Variants in PDGFD observed in about 807,000 individuals in gnomAD.
The protein encoded by PDGFD is platelet derived growth factor D.
A neutral mutation model predicts 44.7 loss-of-function variants in PDGFD; 30 were observed. The observed-to-expected ratio is 0.67, with a 90% confidence interval of 0.50 to 0.91. The LOEUF (loss-of-function observed/expected upper bound fraction) is 0.91. Ranked by LOEUF, PDGFD falls within the 40% of genes least tolerant of loss-of-function variation. The probability of loss-of-function intolerance (pLI) is 0.00; values close to 1 mark genes in which losing one functional copy is unlikely to be tolerated. For synonymous variants in PDGFD, 173 were observed against 168.4 expected (o/e 1.03, Z -0.21); for missense variants, 445 against 457.8 (o/e 0.97, Z 0.25).
At chr11:104,066,957 T>C (rs1308149470) in intron 1 of PDGFD, among the ~76,000 whole-genome samples, 1 of 152,216 alleles carries the variant, frequency 6.6e-6, no homozygotes, top group African/African-American at 2.4e-5. Flanking sequence ...ATTCTTCTAA[T>C]AGTTATTGTG....
At chr11:104,014,917 T>TA (rs1388477940) in intron 1 of PDGFD, among the ~76,000 whole-genome samples, 1 of 152,214 alleles carries the variant, frequency 6.6e-6, no homozygotes, top group Non-Finnish European at 1.5e-5. Flanking sequence ...ATTGAGATTT[T>TA]ACAGAGTGCC....
At chr11:104,104,710 C>G (rs1055434338) in intron 1 of PDGFD, among the ~76,000 whole-genome samples, 1 of 152,066 alleles carries the variant, frequency 6.6e-6, no homozygotes, top group African/African-American at 2.4e-5. Context: ...ACCTAATATT[C>G]TCACCAAGAA....
chr11:104,050,120 G>A (rs1860508145), intron 1 of PDGFD, among the ~76,000 whole-genome samples: 1 of 152,130 alleles, frequency 6.6e-6, no homozygotes, highest in African/African-American at 2.4e-5. Context: ...GTCTGAAAAA[G>A]CAAGAGAGAA....
chr11:104,125,193 CT>C (rs1565342584), intron 1 of PDGFD, among the ~76,000 whole-genome samples: 1 of 152,096 alleles, frequency 6.6e-6, no homozygotes, highest in East Asian at 1.9e-4. Context: ...AATGTGTCTC[CT>C]TCACAGCATG....
chr11:104,163,818 T>G lies in PDGFD; in HGVS notation c.110A>C (p.Asn37Thr), dbSNP rs1012714350. Reference sequence around the variant, plus strand: ...GAGTCTCTTACCATCTCGCCTGAGGTTGGCGTTGCGCAAAGCTTTGATGGA... The same window carrying G: ...GAGTCTCTTACCATCTCGCCTGAGGGTGGCGTTGCGCAAAGCTTTGATGGA... ...SASIKALRNA[N>T]LRRDESNHLT... The change falls in exon 1 of 7, where the codon AAC (asparagine) becomes ACC (threonine). Residue 37 changes from asparagine (N) to threonine (T), a missense_variant. Transcript: ENST00000393158. The G allele has an allele frequency of 6.5e-7, 1 of 1,549,754 alleles. No homozygotes were observed. The highest frequency in any genetic ancestry group is 8.8e-7 in the Non-Finnish European group (1 of 1,135,760).
chr11:104,008,402 A>T (rs1662527083), intron 1 of PDGFD, among the ~76,000 whole-genome samples: 1 of 152,134 alleles, frequency 6.6e-6, no homozygotes, highest in Non-Finnish European at 1.5e-5. Flanking sequence ...GATATAATAG[A>T]TATTATATAT....
intron 6 of PDGFD, among the ~76,000 whole-genome samples, chr11:103,917,850 G>A (rs886235250): frequency 2.0e-5 from 3 of 152,130 alleles, no homozygotes; most frequent in African/African-American, 7.2e-5. Context: ...GAACCGGCAG[G>A]GAGACCTGTG....
intron 2 of PDGFD, among the ~76,000 whole-genome samples, chr11:103,997,782 T>C (rs1343938696): frequency 6.6e-6 from 1 of 152,212 alleles, no homozygotes; most frequent in African/African-American, 2.4e-5. Flanking sequence ...TAGGTCACTT[T>C]TGTTTAAAGA....
intron 1 of PDGFD, among the ~76,000 whole-genome samples, chr11:104,142,179 G>A (rs769432622): frequency 3.3e-5 from 5 of 151,980 alleles, no homozygotes; most frequent in Non-Finnish European, 7.4e-5. Flanking sequence ...GTACATGTTT[G>A]CATGCCTGTA....
rs149646361 is a variant in PDGFD at position 103,943,469 on chromosome 11, T to C, written c.755A>G (p.His252Arg). ...DTPRYRGRSY[H>R]DRKSKVDLDR... The stretch of plus-strand genomic sequence containing the variant: ...TCTCTTACCTTTTGACTTCCGGTCA[T>C]GGTATGACCTGCCTCGATACCGAGG... Residue 252 changes from histidine to arginine, a missense_variant, in exon 5 of 7, where the codon CAT becomes CGT. Transcript: ENST00000393158. 1,602 of 1,612,400 alleles carry C rather than the reference T, an allele frequency of 9.9e-4. 3 individuals are homozygous for C. Among genetic ancestry groups the C allele is most frequent in the Admixed American group, 1.2e-3 (74 of 59,858 alleles).
At chr11:104,045,658 T>C (rs191954259) in intron 1 of PDGFD, among the ~76,000 whole-genome samples, 187 of 149,912 alleles carry the variant, frequency 1.2e-3, no homozygotes, top group Non-Finnish European at 2.0e-3. Context: ...TGAAAGCAAA[T>C]CCTAGGTTTT....
chr11:103,911,347 G>A (rs1360782733), intron 6 of PDGFD, among the ~76,000 whole-genome samples: 2 of 152,142 alleles, frequency 1.3e-5, no homozygotes, highest in African/African-American at 2.4e-5. Context: ...GTCTGGAGTG[G>A]ACCTCCAGCA....
chr11:103,943,787 A>G, intron 4 of PDGFD, 137 bp from the exon 5 acceptor site: 1 of 656,782 alleles, frequency 1.5e-6, no homozygotes, highest in Non-Finnish European at 2.6e-6. Context: ...ATGTAAAAAC[A>G]ACATGGTATT....
chr11:104,028,291 A>G (rs918221100), intron 1 of PDGFD, among the ~76,000 whole-genome samples: 1 of 152,090 alleles, frequency 6.6e-6, no homozygotes, highest in Admixed American at 6.6e-5. Context: ...AAAATCCAAT[A>G]TCATAAAGGG....
intron 3 of PDGFD, among the ~76,000 whole-genome samples, chr11:103,959,015 G>A (rs186057903): frequency 1.3e-5 from 2 of 152,292 alleles, no homozygotes; most frequent in African/African-American, 2.4e-5. Context: ...ACGGTTCCAT[G>A]AAAAAGAGCA....
intron 3 of PDGFD, among the ~76,000 whole-genome samples, chr11:103,954,868 A>T (rs534252857): frequency 2.6e-5 from 4 of 151,988 alleles, no homozygotes; most frequent in African/African-American, 9.7e-5. Context: ...GTTAAGATTC[A>T]TAAAACAGTA....
At chr11:103,979,431 G>A (rs1174468717) in intron 3 of PDGFD, among the ~76,000 whole-genome samples, 13 of 151,974 alleles carry the variant, frequency 8.6e-5, no homozygotes. Flanking sequence ...CAAACCCTCA[G>A]TTGTATTTCA....
chr11:104,066,514 G>C (rs1393029884), intron 1 of PDGFD, among the ~76,000 whole-genome samples: 1 of 152,098 alleles, frequency 6.6e-6, no homozygotes, highest in South Asian at 2.1e-4. Context: ...AAAGCTTTCA[G>C]ACAAGTAATG....
chr11:103,946,841 G>A (rs1350023430), intron 4 of PDGFD, among the ~76,000 whole-genome samples: 1 of 152,100 alleles, frequency 6.6e-6, no homozygotes, highest in South Asian at 2.1e-4. Context: ...TCATAGTGGA[G>A]GGAATCCTGC....
Sources: gnomAD v4.1 joint callset for allele counts (sites outside exome capture counted in the v4.1 genomes callset) on GRCh38, gnomAD v4.1.1 for gene constraint, MANE v1.5 for transcripts, NCBI Gene and HGNC (gene_info 2026-07-23, HGNC 2026-07-21) for gene names.